The following AGO2 variants were observed in gnomAD, a reference collection of about 807,000 sequenced individuals.
The protein encoded by AGO2 is argonaute RISC catalytic component 2.
Under a neutral mutation model 102.3 loss-of-function variants are expected in AGO2, and 5 were observed. That is an observed-to-expected ratio of 0.05 (90% CI 0.03 to 0.10). The LOEUF (loss-of-function observed/expected upper bound fraction) is 0.10. Among genes scored for constraint, AGO2 ranks in the 10% least tolerant of loss-of-function variants. The pLI, the probability that AGO2 is intolerant of heterozygous loss-of-function variation, is 1.00. For missense variants in AGO2, 541 were observed against 1,183.7 expected (o/e 0.46, Z 7.97); for synonymous variants, 449 against 473.1 (o/e 0.95, Z 0.66).
chr8:140,640,478 T>TG (rs1247826335), upstream of AGO2, among the ~76,000 whole-genome samples: 1 of 152,116 alleles, frequency 6.6e-6, no homozygotes. Context: ...CTATGAGGTG[T>TG]GGGTGCCCTT....
intron 2 of AGO2, among the ~76,000 whole-genome samples, chr8:140,577,207 C>CAAAAA (rs10661844): frequency 0.26 from 18,440 of 70,252 alleles, 2,574 homozygotes; most frequent in Non-Finnish European, 0.32. Context: ...GACTCCATCT[C>CAAAAA]AAAAAAAAAA....
chr8:140,559,570 G>T, intron 5 of AGO2, 41 bp from the exon 6 acceptor site: 2 of 1,611,358 alleles, frequency 1.2e-6, no homozygotes, highest in Non-Finnish European at 8.5e-7. Flanking sequence ...GCATGACTGT[G>T]GGGCTGCTGG....
At chr8:140,619,625 A>G (rs2074190154) in intron 1 of AGO2, among the ~76,000 whole-genome samples, 1 of 152,236 alleles carries the variant, frequency 6.6e-6, no homozygotes. Flanking sequence ...CAGCGATCCG[A>G]CTGCACTGTA....
At chr8:140,631,101 A>C (rs987577785) in intron 1 of AGO2, among the ~76,000 whole-genome samples, 1 of 152,052 alleles carries the variant, frequency 6.6e-6, no homozygotes, top group African/African-American at 2.4e-5. Context: ...CAGAATTAAA[A>C]CCATGAGCAA....
Position 140,523,322 on chromosome 8 carries a change from G to C in AGO2, c.*8722C>G, listed in dbSNP as rs1442204233. The C allele has an allele frequency of 6.6e-6, 1 of 152,080 alleles. No homozygotes were observed. Among genetic ancestry groups the C allele is most frequent in the Non-Finnish European group, 1.5e-5 (1 of 68,030 alleles). 9.4% of individuals were successfully genotyped at this position (152,080 alleles called of 1,614,324 possible). A position where few individuals can be genotyped will look rare whatever the true frequency, so the allele number is the denominator to read the frequency against. On this transcript the variant is annotated 3_prime_UTR_variant, in exon 19 of 19. Transcript: ENST00000220592. ...GTCTTCTAAAATGTTTTCATTGTGG[G>C]AGAAAATTAAGAAGGGGCAAAAATC...
rs1588455051 is a variant in AGO2 at position 140,557,612 on chromosome 8, T to C, written c.879-376A>G. ...GCGCGCTCCCGGTGCCCAGAAGGCC[T>C]GAAGCCCCCAGGACAGGACGAGGAA... On this transcript the variant is annotated intron_variant, in intron 7 of 18. Coordinates refer to ENST00000220592, the MANE Select transcript of AGO2 (RefSeq NM_012154.5). This position sits in a 1 kb window ranked among gnomAD's most constrained non-coding sequence, Gnocchi z 5.9. 6.6e-6 allele frequency among the ~76,000 whole-genome samples: 1 copy of C among 152,296 alleles called. No individual in the cohort carries two copies. Among genetic ancestry groups the C allele is most frequent in the Admixed American group, 6.5e-5 (1 of 15,304 alleles).
In AGO2 at chr8:140,547,549, G is replaced by A. The variant is rs2072922335; in HGVS notation, c.1667C>T (p.Thr556Met). ...CVQMKNVQRT[T>M]PQTLSNLCLK... ...GCAGAGGTTGGACAGGGTCTGTGGCGTGGTCCTCTGCACGTTCTTCATCTG... is the reference window on the plus strand; with the variant it reads ...GCAGAGGTTGGACAGGGTCTGTGGCATGGTCCTCTGCACGTTCTTCATCTG... Residue 556 changes from threonine to methionine, a missense_variant, in exon 13 of 19, where the codon ACG becomes ATG. Physicochemically the swap from Thr to Met is moderately conservative, Grantham distance 81. This residue lies in a region of AGO2 where 309 missense variants were observed against 735.1 expected (regional missense o/e 0.42). Coordinates refer to ENST00000220592, the MANE Select transcript of AGO2 (RefSeq NM_012154.5). The A allele has an allele frequency of 1.9e-6, 3 of 1,614,202 alleles. No homozygotes were observed. Among genetic ancestry groups the A allele is most frequent in the Non-Finnish European group, 1.7e-6 (2 of 1,180,014 alleles).
At chr8:140,628,557 C>A (rs1298930732) in intron 1 of AGO2, among the ~76,000 whole-genome samples, 1 of 152,166 alleles carries the variant, frequency 6.6e-6, no homozygotes, top group East Asian at 1.9e-4. Flanking sequence ...GTAATCCCAG[C>A]ACCTTGGGAG....
At chr8:140,585,356 C>T in intron 1 of AGO2, 45 bp from the exon 2 acceptor site, 7 of 1,587,304 alleles carry the variant, frequency 4.4e-6, no homozygotes, top group Non-Finnish European at 6.0e-6. Context: ...AGCAGGCTTG[C>T]TCTGCGGCCC....
At chr8:140,563,525 T>C (rs899970453) in intron 3 of AGO2, among the ~76,000 whole-genome samples, 1 of 152,178 alleles carries the variant, frequency 6.6e-6, no homozygotes, top group African/African-American at 2.4e-5. Context: ...CGTGAGCCAT[T>C]GTGCCTGGCC....
chr8:140,640,097 C>T (rs1434122885), upstream of AGO2, among the ~76,000 whole-genome samples: 2 of 152,192 alleles, frequency 1.3e-5, no homozygotes, highest in Non-Finnish European at 2.9e-5. Flanking sequence ...CAGCCTTCGC[C>T]TCCTGGGTTC....
rs58668484 is a variant in AGO2 at position 140,552,740 on chromosome 8, G to GCACACA, written c.1270-1310_1270-1305dup. On this transcript the variant is annotated intron_variant, in intron 10 of 18. Transcript: ENST00000220592. ...CACACGCACATGCACGCGCGCGCGC[G>GCACACA]CACACACACACACACACACACACAC... Among the ~76,000 whole-genome samples the GCACACA allele has an allele frequency of 6.9e-5, 9 of 130,974 alleles. No homozygotes were observed. In the South Asian group the frequency reaches 7.1e-4, roughly 10 times the overall value. 85.9% of individuals were successfully genotyped at this position (130,974 alleles called of 152,430 possible).
chr8:140,561,777 G>A (rs1225151307), intron 4 of AGO2, among the ~76,000 whole-genome samples: 1 of 152,240 alleles, frequency 6.6e-6, no homozygotes, highest in Admixed American at 6.5e-5. Flanking sequence ...TCACTGTGGG[G>A]TTTGTTTTGG....
At chr8:140,559,259 T>G (rs2073155941) in intron 6 of AGO2, 136 bp downstream of exon 6, 3 of 1,098,232 alleles carry the variant, frequency 2.7e-6, no homozygotes. Context: ...CCATGCTACC[T>G]CATCTGATGG....
intron 3 of AGO2, among the ~76,000 whole-genome samples, chr8:140,565,774 T>C (rs916353859): frequency 3.3e-5 from 5 of 152,136 alleles, no homozygotes; most frequent in Non-Finnish European, 7.3e-5. Flanking sequence ...AGTTTACGTT[T>C]TGGGGGAGTC....
In AGO2 at chr8:140,527,008, C is replaced by T. The variant is rs1262214945; in HGVS notation, c.*5036G>A. ...AGAGATGCAAGGAGGCCCTTGCGTCCTAGTAGCAGGCGGAGCAGATGCCTC... is the reference window on the plus strand; with the variant it reads ...AGAGATGCAAGGAGGCCCTTGCGTCTTAGTAGCAGGCGGAGCAGATGCCTC... On this transcript the variant is annotated 3_prime_UTR_variant, in exon 19 of 19. Transcript: ENST00000220592. The surrounding 1 kb of genome is among the most constrained non-coding windows in gnomAD (Gnocchi z 6.0). The T allele has an allele frequency of 6.6e-6, 1 of 152,092 alleles. No homozygotes were observed. Among genetic ancestry groups the T allele is most frequent in the Non-Finnish European group, 1.5e-5 (1 of 68,010 alleles). 9.4% of individuals were successfully genotyped at this position (152,092 alleles called of 1,614,324 possible).
Position 140,540,193 on chromosome 8 carries a change from T to A in AGO2, c.2035-739A>T, listed in dbSNP as rs897268849. Among the ~76,000 whole-genome samples, 2 of 152,100 alleles carry A rather than the reference T, an allele frequency of 1.3e-5. No homozygotes were observed. The highest frequency in any genetic ancestry group is 2.9e-5 in the Non-Finnish European group (2 of 68,004). On this transcript the variant is annotated intron_variant, in intron 15 of 18. Coordinates refer to ENST00000220592, the MANE Select transcript of AGO2 (RefSeq NM_012154.5). The surrounding 1 kb of genome is among the most constrained non-coding windows in gnomAD (Gnocchi z 5.0). The stretch of plus-strand genomic sequence containing the variant: ...CGGTCAAGGTGTATCCATTCTGTCC[T>A]CCCAGGAGGCCATGGGTCTCGGGAA...
chr8:140,604,068 C>G (rs986181139), intron 1 of AGO2, among the ~76,000 whole-genome samples: 41 of 152,344 alleles, frequency 2.7e-4, no homozygotes, highest in Admixed American at 1.4e-3. Context: ...GGCCTCTGAC[C>G]AGATGTCCCT....
chr8:140,532,235 G>T, intron 18 of AGO2, 83 bp from the exon 19 acceptor site: 1 of 1,446,910 alleles, frequency 6.9e-7, no homozygotes, highest in Non-Finnish European at 9.6e-7. Flanking sequence ...AAGTCGGGAT[G>T]GCATGGCGGG....
Sources: allele counts gnomAD v4.1 joint callset (sites outside exome capture counted in the v4.1 genomes callset), GRCh38; gene constraint gnomAD v4.1.1; regional missense constraint gnomAD v4.1.1; non-coding constraint Gnocchi (gnomAD v3.1); transcripts MANE v1.5; gene names NCBI Gene and HGNC (gene_info 2026-07-23, HGNC 2026-07-21).